RB1: variants seen among roughly 807,000 people sequenced by gnomAD.
The protein encoded by RB1 is retinoblastoma-associated protein.
Under a neutral mutation model 135.4 loss-of-function variants are expected in RB1, and 18 were observed. That is an observed-to-expected ratio of 0.13 (90% CI 0.09 to 0.20). The LOEUF (loss-of-function observed/expected upper bound fraction) is 0.20. Among genes scored for constraint, RB1 ranks in the 10% least tolerant of loss-of-function variants. RB1 has a pLI of 1.00. For missense variants in RB1, 868 were observed against 1,110.0 expected, an observed-to-expected ratio of 0.78 and a Z score of 3.10; for synonymous variants, 365 against 373.2, an observed-to-expected ratio of 0.98 and a Z score of 0.25.
intron 20 of RB1, 65 bp downstream of exon 20, chr13:48,459,898 T>TTTCTTTCTTTCCTTCCTTCCTTCC (rs1949387468): frequency 2.2e-6 from 1 of 455,660 alleles, no homozygotes; most frequent in East Asian, 4.0e-5. Flanking sequence ...TCTTTCTTTC[T>TTTCTTTCTTTCCTTCCTTCCTTCC]TTCTTTCTTT....
chr13:48,430,545 G>T (rs1327847480), intron 17 of RB1, among the ~76,000 whole-genome samples: 1 of 152,100 alleles, frequency 6.6e-6, no homozygotes, highest in Non-Finnish European at 1.5e-5. Flanking sequence ...TTTGACACCA[G>T]CCTAGCTAAC....
At chr13:48,350,286 G>A (rs1216441312) in intron 6 of RB1, among the ~76,000 whole-genome samples, 1 of 151,932 alleles carries the variant, frequency 6.6e-6, no homozygotes, top group Non-Finnish European at 1.5e-5. Context: ...CATGTGTTAG[G>A]CTTAAAACAT....
intron 17 of RB1, chr13:48,412,345 C>G (rs1483931638): frequency 1.2e-6 from 2 of 1,613,550 alleles, no homozygotes; most frequent in Non-Finnish European, 8.5e-7. Flanking sequence ...AGCACAAACA[C>G]CATGCTGAAC....
chr13:48,412,614 C>T lies in RB1; in HGVS notation c.1695+31171C>T, dbSNP rs146822744. 384 of 615,368 alleles carry T rather than the reference C, an allele frequency of 6.2e-4. 2 individuals are homozygous for T. The Middle Eastern group carries it at 9.2e-3, about 15-fold the overall frequency. The allele number at this position is 615,368 out of a possible 1,614,324, so 38.1% of individuals were successfully genotyped here. A position where few individuals can be genotyped will look rare whatever the true frequency, so the allele number is the denominator to read the frequency against. ...ATGAAATTTGTTGCTGTAAAATTTC[C>T]GCTGGGTTCTTCAACAGGAAAATAT... On this transcript the variant is annotated intron_variant, in intron 17 of 26. Transcript: ENST00000267163.
At chr13:48,399,874 C>A (rs1948677307) in intron 17 of RB1, among the ~76,000 whole-genome samples, 1 of 151,958 alleles carries the variant, frequency 6.6e-6, no homozygotes, top group African/African-American at 2.4e-5. Context: ...TTAAAACACT[C>A]TGACATATGA....
intron 2 of RB1, chr13:48,318,461 G>T: frequency 1.5e-6 from 2 of 1,377,016 alleles, no homozygotes; most frequent in Admixed American, 2.0e-5. Context: ...TCTCCTTCTC[G>T]TCCAGGTGCC....
At chr13:48,316,055 G>C (rs1264848907) in intron 2 of RB1, among the ~76,000 whole-genome samples, 2 of 152,126 alleles carry the variant, frequency 1.3e-5, no homozygotes, top group Non-Finnish European at 2.9e-5. Flanking sequence ...TTATTTAGAT[G>C]TTAGAATCAT....
chr13:48,456,206 A>G lies in RB1; in HGVS notation c.1817A>G (p.Tyr606Cys). Reference protein sequence around the residue: ...LQNNHTAADMYLSPVRSPKKK... With the variant: ...LQNNHTAADMCLSPVRSPKKK... ...ACTTTTCCTTTAAATATATCTAGGTATCTTTCTCCTGTAAGATCTCCAAAG... is the reference window on the plus strand; with the variant it reads ...ACTTTTCCTTTAAATATATCTAGGTGTCTTTCTCCTGTAAGATCTCCAAAG... Residue 606 changes from tyrosine (Y) to cysteine (C), a missense_variant and splice_region_variant, in exon 19 of 27, where the codon TAT (tyrosine) becomes TGT (cysteine). Tyr to Cys is a radical substitution (Grantham distance 194). Around this residue, in one of 3 missense-constraint regions of RB1, gnomAD observed 641 missense variants for 791.3 expected, o/e 0.81. Coordinates refer to ENST00000267163, the MANE Select transcript of RB1 (RefSeq NM_000321.3). 2 of 1,614,102 alleles carry G rather than the reference A, an allele frequency of 1.2e-6. No homozygotes were observed. The highest frequency in any genetic ancestry group is 8.5e-7 in the Non-Finnish European group (1 of 1,179,984).
chr13:48,379,914 T>C (rs1948517075), intron 14 of RB1, 139 bp from the exon 15 acceptor site: 1 of 822,360 alleles, frequency 1.2e-6, no homozygotes, highest in Non-Finnish European at 1.8e-6. Context: ...GAGCCAAGAT[T>C]GTGCCATTTC....
chr13:48,416,818 G>T (rs150278915), intron 17 of RB1, among the ~76,000 whole-genome samples: 5 of 152,144 alleles, frequency 3.3e-5, no homozygotes, highest in South Asian at 2.1e-4. Context: ...CAAAGCCACC[G>T]GGAAGTTTGA....
intron 2 of RB1, among the ~76,000 whole-genome samples, chr13:48,308,315 A>G (rs1952103056): frequency 6.6e-6 from 1 of 151,322 alleles, no homozygotes; most frequent in Non-Finnish European, 1.5e-5. Context: ...GCACCACTGC[A>G]CTCCAGCCTG....
intron 17 of RB1, among the ~76,000 whole-genome samples, chr13:48,402,453 C>T (rs1948701458): frequency 6.8e-6 from 1 of 147,728 alleles, no homozygotes; most frequent in African/African-American, 2.5e-5. Flanking sequence ...TCATAGCTCA[C>T]TGAAGCCTTG....
intron 17 of RB1, among the ~76,000 whole-genome samples, chr13:48,419,760 C>T (rs1003722140): frequency 6.6e-5 from 10 of 152,234 alleles, no homozygotes; most frequent in African/African-American, 1.9e-4. Flanking sequence ...CTGTAAACAT[C>T]TCTATGCAAA....
intron 17 of RB1, among the ~76,000 whole-genome samples, chr13:48,430,046 G>C (rs1949113804): frequency 1.3e-5 from 2 of 152,100 alleles, no homozygotes; most frequent in South Asian, 4.1e-4. Flanking sequence ...GATACTGTGG[G>C]TTATATCACC....
intron 6 of RB1, among the ~76,000 whole-genome samples, chr13:48,353,502 T>C (rs1056067778): frequency 1.3e-5 from 2 of 152,248 alleles, no homozygotes; most frequent in Admixed American, 6.5e-5. Flanking sequence ...ACTGCTGAAT[T>C]GTACCAAACA....
At chr13:48,417,408 A>G (rs893116714) in intron 17 of RB1, 28 of 152,220 alleles carry the variant, frequency 1.8e-4, no homozygotes, top group Admixed American at 1.1e-3. Flanking sequence ...TTCCACACAG[A>G]AACCCCATTT....
chr13:48,453,202 G>T lies in RB1; in HGVS notation c.1814+91G>T, dbSNP rs1949339800. On this transcript the variant is annotated intron_variant, in intron 18 of 26. Coordinates refer to ENST00000267163, the MANE Select transcript of RB1 (RefSeq NM_000321.3). ...TAACATTCTATAAAGAAACTGTAGG[G>T]AATAGAATTTTGAATAAGAATAGTT... 3.1e-6 allele frequency: 4 copies of T among 1,272,728 alleles called. No individual in the cohort carries two copies. In the East Asian group the frequency reaches 7.0e-5, roughly 22 times the overall value. The allele number at this position is 1,272,728 out of a possible 1,614,324, so 78.8% of individuals were successfully genotyped here. A position where few individuals can be genotyped will look rare whatever the true frequency, so the allele number is the denominator to read the frequency against.
intron 2 of RB1, among the ~76,000 whole-genome samples, chr13:48,339,250 G>A (rs7330085): frequency 0.021 from 3,173 of 152,224 alleles, 94 homozygotes; most frequent in African/African-American, 0.071. Context: ...CCTTTTGTTC[G>A]GCTATGCCCT....
intron 9 of RB1, among the ~76,000 whole-genome samples, chr13:48,365,986 G>A (rs991965318): frequency 6.6e-6 from 1 of 152,186 alleles, no homozygotes; most frequent in Non-Finnish European, 1.5e-5. Context: ...TTTCAAATCT[G>A]AGTAAGCATT....
Sources: allele counts gnomAD v4.1 joint callset (sites outside exome capture counted in the v4.1 genomes callset), GRCh38; gene constraint gnomAD v4.1.1; regional missense constraint gnomAD v4.1.1; transcripts MANE v1.5; gene names NCBI Gene and HGNC (gene_info 2026-07-23, HGNC 2026-07-21).